The following RNF130 variants were observed in gnomAD, a reference collection of about 807,000 sequenced individuals.
RNF130 encodes the protein E3 ubiquitin-protein ligase RNF130.
In RNF130, 21 loss-of-function variants were observed where a neutral mutation model predicts 44.6. The ratio of observed to expected loss-of-function variants is 0.47; its 90% CI spans 0.33 to 0.68. The LOEUF (loss-of-function observed/expected upper bound fraction) is 0.68, where lower values mean the gene tolerates loss of function less well. Among genes scored for constraint, RNF130 ranks in the 30% least tolerant of loss-of-function variants. The pLI is 0.02. For missense variants in RNF130, 479 were observed against 560.6 expected, an observed-to-expected ratio of 0.85 and a Z score of 1.47; for synonymous variants, 214 against 210.4, an observed-to-expected ratio of 1.02 and a Z score of -0.15.
At chr5:179,926,897 C>T (rs1012326306) in intron 7 of RNF130, among the ~76,000 whole-genome samples, 2 of 152,154 alleles carry the variant, frequency 1.3e-5, no homozygotes, top group African/African-American at 4.8e-5. Context: ...AATTGAGGGA[C>T]ACCCAGTTGG....
intron 7 of RNF130, among the ~76,000 whole-genome samples, chr5:179,932,216 TC>T (rs34171983): frequency 0.32 from 48,245 of 152,020 alleles, 8,509 homozygotes; most frequent in East Asian, 0.59. Flanking sequence ...AATTTTAAGT[TC>T]CATGTGTTTA....
At chr5:179,945,812 G>A (rs1006502360) in intron 7 of RNF130, among the ~76,000 whole-genome samples, 2 of 152,220 alleles carry the variant, frequency 1.3e-5, no homozygotes, top group Non-Finnish European at 1.5e-5. Flanking sequence ...GTCCTGGGCA[G>A]TGCATGCACG....
intron 7 of RNF130, among the ~76,000 whole-genome samples, chr5:179,927,580 CT>C: frequency 1.4e-5 from 2 of 146,180 alleles, no homozygotes; most frequent in East Asian, 2.1e-4. Flanking sequence ...CACAGTTTAG[CT>C]TTGTCTTTTT....
At chr5:179,956,309 C>T (rs2113693320) in intron 8 of RNF130, 1 of 152,422 alleles carries the variant, frequency 6.6e-6, no homozygotes, top group African/African-American at 2.4e-5. Context: ...TGATCTTTTT[C>T]TTTCTGCTGA....
At chr5:179,965,746 T>C (rs1762427759) in intron 7 of RNF130, among the ~76,000 whole-genome samples, 1 of 152,202 alleles carries the variant, frequency 6.6e-6, no homozygotes, top group Non-Finnish European at 1.5e-5. Flanking sequence ...CTCTATTGCA[T>C]AGCTGAATGA....
At chr5:180,062,113 G>A (rs1242632209) in intron 1 of RNF130, among the ~76,000 whole-genome samples, 4 of 150,296 alleles carry the variant, frequency 2.7e-5, no homozygotes. Flanking sequence ...GGAGTGCAGT[G>A]GCACGACCTT....
At chr5:179,970,553 T>C (rs764991650) in intron 5 of RNF130, 47 bp from the exon 6 acceptor site, 2 of 1,420,606 alleles carry the variant, frequency 1.4e-6, no homozygotes, top group Non-Finnish European at 2.0e-6. Context: ...ACCAAGAAAC[T>C]TATTAGGCCA....
chr5:180,050,343 A>T (rs1712991447), intron 1 of RNF130, among the ~76,000 whole-genome samples: 1 of 152,220 alleles, frequency 6.6e-6, no homozygotes, highest in African/African-American at 2.4e-5. Flanking sequence ...GCAGTCAGGC[A>T]GGAGGAAACC....
At chr5:180,040,018 A>G (rs1764369477) in intron 2 of RNF130, among the ~76,000 whole-genome samples, 1 of 152,242 alleles carries the variant, frequency 6.6e-6, no homozygotes, top group Non-Finnish European at 1.5e-5. Context: ...ATGCTTCCAG[A>G]AGAAATAAAG....
intron 1 of RNF130, among the ~76,000 whole-genome samples, chr5:180,047,486 T>C (rs1764592241): frequency 6.6e-6 from 1 of 152,242 alleles, no homozygotes; most frequent in Non-Finnish European, 1.5e-5. Flanking sequence ...GGTTCATAGC[T>C]GTCATCCCAG....
chr5:179,993,080 T>C (rs923169711), intron 3 of RNF130, among the ~76,000 whole-genome samples: 34 of 152,364 alleles, frequency 2.2e-4, no homozygotes, highest in Admixed American at 1.2e-3. Context: ...CTGCATAGTA[T>C]TCCATGGTGT....
At chr5:180,002,788 C>T (rs1260958442) in intron 3 of RNF130, among the ~76,000 whole-genome samples, 1 of 152,150 alleles carries the variant, frequency 6.6e-6, no homozygotes, top group African/African-American at 2.4e-5. Context: ...TGTCATTCCT[C>T]GGATGCACCC....
intron 3 of RNF130, among the ~76,000 whole-genome samples, chr5:180,000,297 T>C (rs1413665838): frequency 6.6e-6 from 1 of 152,242 alleles, no homozygotes; most frequent in African/African-American, 2.4e-5. Context: ...GATTCTCTTA[T>C]GTGACTTGAT....
At chr5:179,992,531 A>G (rs911201650) in intron 3 of RNF130, among the ~76,000 whole-genome samples, 7 of 152,298 alleles carry the variant, frequency 4.6e-5, no homozygotes, top group Admixed American at 1.3e-4. Context: ...AAAATAAAAA[A>G]CTTATCTTAC....
At chr5:180,017,009 T>C (rs998466630) in intron 2 of RNF130, among the ~76,000 whole-genome samples, 2 of 152,236 alleles carry the variant, frequency 1.3e-5, no homozygotes, top group Non-Finnish European at 2.9e-5. Flanking sequence ...ATGACTTTAA[T>C]AGCTGTTTAA....
intron 7 of RNF130, chr5:179,940,029 CT>C: frequency 4.5e-6 from 1 of 223,776 alleles, no homozygotes; most frequent in Non-Finnish European, 8.8e-6. Context: ...TCTGCTTCTT[CT>C]TTAGTCTCAG....
chr5:179,944,158 G>A, intron 7 of RNF130, among the ~76,000 whole-genome samples: 1 of 125,394 alleles, frequency 8.0e-6, no homozygotes, highest in East Asian at 2.0e-4. Flanking sequence ...TAGTAGAGAC[G>A]GGGGGGTTCA....
At chr5:179,974,729 G>A (rs1762677717) in intron 5 of RNF130, among the ~76,000 whole-genome samples, 1 of 152,260 alleles carries the variant, frequency 6.6e-6, no homozygotes, top group Non-Finnish European at 1.5e-5. Context: ...TTAAAAACTG[G>A]ACTGGGAAAT....
chr5:180,023,388 G>T (rs1178407335), intron 2 of RNF130, among the ~76,000 whole-genome samples: 1 of 152,132 alleles, frequency 6.6e-6, no homozygotes, highest in Non-Finnish European at 1.5e-5. Context: ...ACAGAAACCA[G>T]GGTTCCTTGG....
Sources: gnomAD v4.1 joint callset for allele counts (sites outside exome capture counted in the v4.1 genomes callset) on GRCh38, gnomAD v4.1.1 for gene constraint, MANE v1.5 for transcripts, NCBI Gene and HGNC (gene_info 2026-07-23, HGNC 2026-07-21) for gene names.